The following RAB3C variants were observed in gnomAD, a reference collection of about 807,000 sequenced individuals.
RAB3C encodes the protein RAB3C, member RAS oncogene family.
A neutral mutation model predicts 26.4 loss-of-function variants in RAB3C; 17 were observed. That is an observed-to-expected ratio of 0.64 (90% CI 0.44 to 0.97). The LOEUF is 0.97. Ranked by LOEUF, RAB3C falls within the 50% of genes least tolerant of loss-of-function variation. The pLI is 0.00. For missense variants in RAB3C, 242 were observed against 281.9 expected, an observed-to-expected ratio of 0.86 and a Z score of 1.01; for synonymous variants, 91 against 95.9, an observed-to-expected ratio of 0.95 and a Z score of 0.30.
At chr5:58,821,959 C>T (rs1344385997) in intron 3 of RAB3C, among the ~76,000 whole-genome samples, 1 of 151,962 alleles carries the variant, frequency 6.6e-6, no homozygotes, top group Admixed American at 6.6e-5. Context: ...TTTGTAACAC[C>T]ATTCCCAAGC....
chr5:58,772,791 G>A (rs1408690081), intron 3 of RAB3C, among the ~76,000 whole-genome samples: 1 of 152,042 alleles, frequency 6.6e-6, no homozygotes, highest in African/African-American at 2.4e-5. Flanking sequence ...ATCTTAAATT[G>A]CTTAAAGATT....
chr5:58,794,987 G>C lies in RAB3C; in HGVS notation c.372-30051G>C, dbSNP rs1313172726. 2.0e-5 allele frequency among the ~76,000 whole-genome samples: 3 copies of C among 152,308 alleles called. No individual in the cohort carries two copies. The East Asian group carries it at 5.8e-4, about 29-fold the overall frequency. ...ATTGATATGGTTTGGCTGTGTCCCC[G>C]CCCTAATCTCATCTTGAATCGTAGT... On this transcript the variant is annotated intron_variant, in intron 3 of 4. Coordinates refer to ENST00000282878, the MANE Select transcript of RAB3C (RefSeq NM_138453.4).
Position 58,854,844 on chromosome 5 carries a change from AAAT to A in RAB3C, c.*3495_*3497del, listed in dbSNP as rs1341745507. On this transcript the variant is annotated 3_prime_UTR_variant, in exon 5 of 5. Transcript: ENST00000282878. ...CAAGACATCAAAACACTCAGTAAAC[AAAT>A]ATATATATTTCACCTACTTAAATCT... 1.7e-5 allele frequency: 1 copy of A among 58,014 alleles called. No homozygotes were observed. Among genetic ancestry groups the A allele is most frequent in the Non-Finnish European group, 5.1e-5 (1 of 19,778 alleles). 3.6% of individuals were successfully genotyped at this position (58,014 alleles called of 1,614,324 possible).
chr5:58,754,571 A>G (rs909419962), intron 3 of RAB3C, among the ~76,000 whole-genome samples: 5 of 152,178 alleles, frequency 3.3e-5, no homozygotes, highest in African/African-American at 9.7e-5. Flanking sequence ...ACTCCCCAAC[A>G]CACTGAAAGT....
At chr5:58,736,980 C>T (rs960677293) in intron 3 of RAB3C, among the ~76,000 whole-genome samples, 5 of 152,098 alleles carry the variant, frequency 3.3e-5, no homozygotes, top group African/African-American at 9.7e-5. Context: ...TGTCACCCCT[C>T]TGCTCCAAAA....
intron 3 of RAB3C, among the ~76,000 whole-genome samples, chr5:58,797,358 G>C: frequency 3.8e-5 from 1 of 26,288 alleles, no homozygotes; most frequent in African/African-American, 2.2e-4. Flanking sequence ...AAAAAAATAT[G>C]TATATATATA....
In RAB3C at chr5:58,616,792, G is replaced by T. The variant is rs78746112; in HGVS notation, c.25-851G>T. On this transcript the variant is annotated intron_variant, in intron 1 of 4. Coordinates refer to ENST00000282878, the MANE Select transcript of RAB3C (RefSeq NM_138453.4). ...GAGCCAAGTTTTGAACCCAGGTCAGGCTCTCCTTTGATGCATTTCACAATG... is the reference window on the plus strand; with the variant it reads ...GAGCCAAGTTTTGAACCCAGGTCAGTCTCTCCTTTGATGCATTTCACAATG... Among the ~76,000 whole-genome samples the T allele has an allele frequency of 6.9e-3, 1,045 of 152,200 alleles. 21 individuals are homozygous for T. The highest frequency in any genetic ancestry group is 0.023 in the African/African-American group (970 of 41,532).
At chr5:58,697,858 G>A (rs190602625) in intron 2 of RAB3C, among the ~76,000 whole-genome samples, 42 of 152,172 alleles carry the variant, frequency 2.8e-4, no homozygotes, top group African/African-American at 5.5e-4. Context: ...CACACTGATG[G>A]GTCTTGACTC....
chr5:58,587,783 C>G (rs1410430355), intron 1 of RAB3C, among the ~76,000 whole-genome samples: 2 of 152,090 alleles, frequency 1.3e-5, no homozygotes, highest in Non-Finnish European at 1.5e-5. Flanking sequence ...CCTGGGTTCT[C>G]CTGACCAATC....
intron 4 of RAB3C, among the ~76,000 whole-genome samples, chr5:58,843,398 AG>A (rs1743918563): frequency 6.6e-6 from 1 of 152,246 alleles, no homozygotes; most frequent in South Asian, 2.1e-4. Flanking sequence ...ATTCATAAAT[AG>A]GCTGAGCTGG....
chr5:58,735,944 C>A (rs909674981), intron 3 of RAB3C, among the ~76,000 whole-genome samples: 8 of 152,150 alleles, frequency 5.3e-5, no homozygotes, highest in Non-Finnish European at 1.2e-4. Flanking sequence ...AGCCAATCAG[C>A]ACTGAAAGCC....
chr5:58,748,775 A>G lies in RAB3C; in HGVS notation c.371+22655A>G, dbSNP rs78327345. ...ATCAAGTTTATGCTCCTTCTTCTAT[A>G]ACATAGTTACTGGGAAGTGGTTGCA... On this transcript the variant is annotated intron_variant, in intron 3 of 4. Coordinates refer to ENST00000282878, the MANE Select transcript of RAB3C (RefSeq NM_138453.4). Among the ~76,000 whole-genome samples, 848 of 152,328 alleles carry G rather than the reference A, an allele frequency of 5.6e-3. 1 individual carries two copies. Among genetic ancestry groups the G allele is most frequent in the Non-Finnish European group, 9.2e-3 (623 of 68,020 alleles).
intron 3 of RAB3C, among the ~76,000 whole-genome samples, chr5:58,756,354 T>C (rs1741659679): frequency 1.4e-5 from 2 of 142,938 alleles, no homozygotes; most frequent in African/African-American, 5.2e-5. Context: ...ATGTTATATA[T>C]ATATATAACA....
chr5:58,810,720 C>T (rs1315785384), intron 3 of RAB3C, among the ~76,000 whole-genome samples: 1 of 152,170 alleles, frequency 6.6e-6, no homozygotes, highest in African/African-American at 2.4e-5. Flanking sequence ...CCTCAGCCTC[C>T]TCAGTAACTG....
intron 3 of RAB3C, among the ~76,000 whole-genome samples, chr5:58,814,330 T>A (rs150000930): frequency 6.6e-6 from 1 of 152,274 alleles, no homozygotes; most frequent in African/African-American, 2.4e-5. Flanking sequence ...TGTCTTAATA[T>A]CTCACAAACC....
At chr5:58,778,106 A>T (rs1466136824) in intron 3 of RAB3C, among the ~76,000 whole-genome samples, 3 of 152,116 alleles carry the variant, frequency 2.0e-5, no homozygotes, top group Non-Finnish European at 2.9e-5. Flanking sequence ...TTTTTGGAAA[A>T]AAACTTAACC....
Position 58,853,456 on chromosome 5 carries a change from G to C in RAB3C, c.*2105G>C, listed in dbSNP as rs562935456. On this transcript the variant is annotated 3_prime_UTR_variant, in exon 5 of 5. Transcript: ENST00000282878. ...AAAGAATATTCTGATGGCTTTTTCAGAAGGAAGGACCTTGATGTGTGTATT... is the reference window on the plus strand; with the variant it reads ...AAAGAATATTCTGATGGCTTTTTCACAAGGAAGGACCTTGATGTGTGTATT... 6.6e-6 allele frequency: 1 copy of C among 152,302 alleles called. No homozygotes were observed. The highest frequency in any genetic ancestry group is 2.4e-5 in the African/African-American group (1 of 41,562). 9.4% of individuals were successfully genotyped at this position (152,302 alleles called of 1,614,324 possible).
chr5:58,749,072 A>G (rs1200215658), intron 3 of RAB3C, among the ~76,000 whole-genome samples: 2 of 152,208 alleles, frequency 1.3e-5, no homozygotes, highest in African/African-American at 2.4e-5. Context: ...CATCAAACAT[A>G]AACATTAATT....
At chr5:58,759,125 C>T (rs1434263087) in intron 3 of RAB3C, among the ~76,000 whole-genome samples, 3 of 152,192 alleles carry the variant, frequency 2.0e-5, no homozygotes, top group African/African-American at 7.2e-5. Flanking sequence ...ACTGGAATAC[C>T]TGTCATTGGA....
Sources: gnomAD v4.1 joint callset for allele counts (sites outside exome capture counted in the v4.1 genomes callset) on GRCh38, gnomAD v4.1.1 for gene constraint, MANE v1.5 for transcripts, NCBI Gene and HGNC (gene_info 2026-07-23, HGNC 2026-07-21) for gene names.